IARS1: variants seen among roughly 807,000 people sequenced by gnomAD.
The protein encoded by IARS1 is isoleucine--tRNA ligase, cytoplasmic.
A neutral mutation model predicts 168.2 loss-of-function variants in IARS1; 124 were observed. That is an observed-to-expected ratio of 0.74 (90% confidence interval 0.64 to 0.86). IARS1 has a LOEUF of 0.86. IARS1 is among the 40% of genes least tolerant of loss of function. The pLI is 0.00. For synonymous variants in IARS1, 532 were observed against 529.4 expected (o/e 1.00, Z -0.07); for missense variants, 1,452 against 1,515.8 (o/e 0.96, Z 0.70).
intron 5 of IARS1, chr9:92,286,190 A>AACCGC (rs940107042): frequency 1.1e-5 from 3 of 285,590 alleles, no homozygotes; most frequent in Non-Finnish European, 2.0e-5. Flanking sequence ...AACAAGGTGA[A>AACCGC]ACCCCATCTC....
chr9:92,250,677 T>C (rs573508939), intron 23 of IARS1, 36 bp downstream of exon 23: 1 of 1,521,096 alleles, frequency 6.6e-7, no homozygotes, highest in Non-Finnish European at 8.9e-7. Context: ...CTCCCCTCCT[T>C]GGCACAGGTG....
chr9:92,281,512 T>C (rs1834563211), intron 6 of IARS1, among the ~76,000 whole-genome samples: 1 of 152,018 alleles, frequency 6.6e-6, no homozygotes, highest in South Asian at 2.1e-4. Flanking sequence ...ATTTTGTAAG[T>C]CCATCAAGAG....
At chr9:92,226,555 G>A (rs1378936521) in intron 31 of IARS1, among the ~76,000 whole-genome samples, 1 of 152,156 alleles carries the variant, frequency 6.6e-6, no homozygotes, top group Non-Finnish European at 1.5e-5. Flanking sequence ...AACTGCAGGG[G>A]GCTAGGGAAT....
intron 6 of IARS1, among the ~76,000 whole-genome samples, chr9:92,282,019 G>A (rs747010081): frequency 5.5e-5 from 8 of 144,850 alleles, no homozygotes; most frequent in Non-Finnish European, 1.1e-4. Context: ...GGGACAAGCA[G>A]AACCCAATAA....
At chr9:92,260,835 A>G (rs974153702) in intron 17 of IARS1, among the ~76,000 whole-genome samples, 5 of 152,224 alleles carry the variant, frequency 3.3e-5, no homozygotes, top group African/African-American at 1.2e-4. Flanking sequence ...CCTATTATCA[A>G]TTGTTCACAA....
At chr9:92,229,984 A>G (rs1259807315) in intron 30 of IARS1, among the ~76,000 whole-genome samples, 2 of 150,884 alleles carry the variant, frequency 1.3e-5, no homozygotes, top group Non-Finnish European at 3.0e-5. Flanking sequence ...TCCCAGGCCC[A>G]TTCCCTCCTT....
chr9:92,261,289 A>G (rs536316659), intron 17 of IARS1, among the ~76,000 whole-genome samples: 5 of 152,132 alleles, frequency 3.3e-5, no homozygotes, highest in Admixed American at 2.6e-4. Context: ...AGCCTGGGTG[A>G]TAGAGTGAGA....
intron 16 of IARS1, among the ~76,000 whole-genome samples, chr9:92,264,681 T>C (rs551118913): frequency 1.3e-5 from 2 of 152,274 alleles, no homozygotes; most frequent in Admixed American, 6.5e-5. Context: ...GTGTAACACA[T>C]ATATTCCAAA....
chr9:92,216,801 T>TA (rs1456676815), intron 33 of IARS1, among the ~76,000 whole-genome samples: 1 of 117,102 alleles, frequency 8.5e-6, no homozygotes, highest in African/African-American at 3.2e-5. Context: ...CAAAGAGACT[T>TA]AGACTCCCAC....
intron 1 of IARS1, among the ~76,000 whole-genome samples, chr9:92,289,820 A>C (rs994842538): frequency 6.6e-6 from 1 of 152,176 alleles, no homozygotes; most frequent in Admixed American, 6.5e-5. Context: ...TATGTGGCCT[A>C]TTGCATCTGG....
intron 30 of IARS1, chr9:92,240,486 C>T: frequency 1.7e-6 from 1 of 577,130 alleles, no homozygotes; most frequent in Non-Finnish European, 3.1e-6. Flanking sequence ...TCTTGAACTC[C>T]TGACCTCAAG....
intron 16 of IARS1, 117 bp from the exon 17 acceptor site, chr9:92,263,172 C>T: frequency 1.4e-6 from 1 of 690,538 alleles, no homozygotes; most frequent in Non-Finnish European, 2.5e-6. Context: ...TTGAGAATCA[C>T]TTAAAGCAAT....
At chr9:92,282,858 A>ATTTT (rs1267921507) in intron 6 of IARS1, among the ~76,000 whole-genome samples, 146 of 141,112 alleles carry the variant, frequency 1.0e-3, no homozygotes, top group African/African-American at 3.6e-3. Context: ...ATATATATAT[A>ATTTT]TATTTTTTTT....
chr9:92,273,697 A>C (rs1403560121), intron 10 of IARS1, among the ~76,000 whole-genome samples: 1 of 152,274 alleles, frequency 6.6e-6, no homozygotes, highest in East Asian at 1.9e-4. Flanking sequence ...CATCTATAAA[A>C]GTAAAAAATC....
intron 20 of IARS1, chr9:92,253,805 A>C (rs752086197): frequency 2.0e-6 from 1 of 495,490 alleles, no homozygotes; most frequent in African/African-American, 1.9e-5. Context: ...GCAATTTGAC[A>C]GCATCAACAA....
intron 30 of IARS1, 112 bp from the exon 31 acceptor site, chr9:92,229,238 TCCC>T (rs994749059): frequency 1.5e-5 from 15 of 982,486 alleles, no homozygotes; most frequent in African/African-American, 8.2e-5. Flanking sequence ...TTTTTCCTTT[TCCC>T]CCAACTATAC....
chr9:92,213,443 T>C (rs1026185760), intron 33 of IARS1, among the ~76,000 whole-genome samples: 4 of 152,238 alleles, frequency 2.6e-5, no homozygotes, highest in African/African-American at 9.6e-5. Flanking sequence ...TCCCAGGAGC[T>C]GTGAATGTTC....
At position 92,222,606 on chromosome 9, in the gene IARS1, T is replaced by A; in HGVS notation, c.3620A>T (p.His1207Leu). ...ENPLGQNGLT[H>L]QGLLYEAAKV... is the part of the protein sequence containing the mutation. ...GGCTGCTTCATACAGAAGACCTTGG[T>A]GGGTGAGTCCATTCTGCCCAAGTGG... Residue 1207 changes from histidine to leucine, a missense_variant, in exon 33 of 34, where the codon CAC becomes CTC. Coordinates refer to ENST00000443024, the MANE Select transcript of IARS1 (RefSeq NM_002161.6). 3 of 1,614,058 alleles carry A rather than the reference T, an allele frequency of 1.9e-6. No homozygotes were observed. Among genetic ancestry groups the A allele is most frequent in the Non-Finnish European group, 2.5e-6 (3 of 1,179,970 alleles).
chr9:92,275,623 G>C (rs960738151), intron 9 of IARS1, among the ~76,000 whole-genome samples: 5 of 152,148 alleles, frequency 3.3e-5, no homozygotes, highest in African/African-American at 1.2e-4. Context: ...TCTATACTTA[G>C]AAGCAGTATA....
Sources: gnomAD v4.1 joint callset for allele counts (sites outside exome capture counted in the v4.1 genomes callset) on GRCh38, gnomAD v4.1.1 for gene constraint, MANE v1.5 for transcripts, NCBI Gene and HGNC (gene_info 2026-07-23, HGNC 2026-07-21) for gene names.